TNS3: variants seen among roughly 807,000 people sequenced by gnomAD.
TNS3 encodes tensin 3, also known as tensin-3.
Under a neutral mutation model 140.9 loss-of-function variants are expected in TNS3, and 45 were observed. The ratio of observed to expected loss-of-function variants is 0.32; its 90% CI spans 0.25 to 0.41. The LOEUF (loss-of-function observed/expected upper bound fraction) is 0.41, where lower values mean the gene tolerates loss of function less well. TNS3 is among the 10% of genes least tolerant of loss of function. The probability of loss-of-function intolerance (pLI) is 1.00; values close to 1 mark genes in which losing one functional copy is unlikely to be tolerated. For missense variants in TNS3, 1,716 were observed against 1,906.7 expected (o/e 0.90, Z 1.86); for synonymous variants, 815 against 788.4 (o/e 1.03, Z -0.56).
intron 20 of TNS3, among the ~76,000 whole-genome samples, chr7:47,327,106 C>T (rs1030051240): frequency 4.6e-5 from 7 of 152,210 alleles, no homozygotes; most frequent in Non-Finnish European, 8.8e-5. Flanking sequence ...CAGCCCTGCC[C>T]GTGCTACCCC....
At chr7:47,494,173 A>T (rs779511913) in intron 3 of TNS3, among the ~76,000 whole-genome samples, 41 of 152,320 alleles carry the variant, frequency 2.7e-4, no homozygotes, top group Admixed American at 8.5e-4. Context: ...TCTCAAATTC[A>T]AAACCTAAGG....
At chr7:47,561,090 G>A (rs879479941) in intron 1 of TNS3, among the ~76,000 whole-genome samples, 4 of 152,188 alleles carry the variant, frequency 2.6e-5, no homozygotes, top group East Asian at 1.9e-4. Flanking sequence ...GTGGTGCGAC[G>A]CTGGTTGGGC....
intron 2 of TNS3, among the ~76,000 whole-genome samples, chr7:47,528,236 C>T (rs1384388611): frequency 2.6e-5 from 4 of 152,132 alleles, no homozygotes; most frequent in African/African-American, 9.7e-5. Flanking sequence ...TGACTGCGTG[C>T]ATCGTTCCAT....
intron 23 of TNS3, among the ~76,000 whole-genome samples, chr7:47,301,413 G>C (rs140808264): frequency 6.6e-6 from 1 of 152,198 alleles, no homozygotes; most frequent in East Asian, 1.9e-4. Context: ...GGTACGCTCA[G>C]CTGAGACACA....
At chr7:47,335,397 T>C (rs1362746031) in intron 20 of TNS3, among the ~76,000 whole-genome samples, 2 of 152,230 alleles carry the variant, frequency 1.3e-5, no homozygotes, top group African/African-American at 2.4e-5. Flanking sequence ...CTCTTTTAAA[T>C]GACAACACAT....
At chr7:47,370,739 A>G (rs990866132) in intron 16 of TNS3, among the ~76,000 whole-genome samples, 2 of 152,184 alleles carry the variant, frequency 1.3e-5, no homozygotes, top group South Asian at 2.1e-4. Flanking sequence ...CAAGCATTCC[A>G]CAGCCAGGGA....
At chr7:47,511,459 T>C (rs923781731) in intron 2 of TNS3, among the ~76,000 whole-genome samples, 2 of 94,274 alleles carry the variant, frequency 2.1e-5, no homozygotes, top group African/African-American at 6.1e-5. Flanking sequence ...AATTGGTTCA[T>C]TACCATTGCT....
At chr7:47,515,188 C>T (rs1325383123) in intron 2 of TNS3, among the ~76,000 whole-genome samples, 1 of 152,172 alleles carries the variant, frequency 6.6e-6, no homozygotes, top group African/African-American at 2.4e-5. Context: ...TACTTAACCA[C>T]ATATGAAATT....
Position 47,291,987 on chromosome 7 carries a change from T to C in TNS3, c.3896A>G (p.Asn1299Ser), listed in dbSNP as rs1183141727. 1 of 1,614,150 alleles carries C rather than the reference T, an allele frequency of 6.2e-7. No individual in the cohort carries two copies. The highest frequency in any genetic ancestry group is 8.5e-7 in the Non-Finnish European group (1 of 1,180,016). The change falls in exon 27 of 31, where the codon AAT (asparagine) becomes AGT (serine). Residue 1299 changes from asparagine to serine, a missense_variant. Coordinates refer to ENST00000311160, the MANE Select transcript of TNS3 (RefSeq NM_022748.12). ...CTGCTTCAACAGCTCAGCTGCTGAATTGGCTGCCGTCTGGGGAGAACTTTC... is the reference window on the plus strand; with the variant it reads ...CTGCTTCAACAGCTCAGCTGCTGAACTGGCTGCCGTCTGGGGAGAACTTTC... ...IAESSPQTAA[N>S]SAAELLKQGA...
intron 5 of TNS3, 101 bp from the exon 6 acceptor site, chr7:47,439,759 G>C: frequency 7.8e-7 from 1 of 1,284,806 alleles, no homozygotes; most frequent in Non-Finnish European, 1.1e-6. Context: ...TCCCCTGGGT[G>C]TTCACATCAG....
At chr7:47,445,037 CA>C (rs1215563566) in intron 4 of TNS3, among the ~76,000 whole-genome samples, 1 of 152,142 alleles carries the variant, frequency 6.6e-6, no homozygotes, top group African/African-American at 2.4e-5. Context: ...GGAAGAGGGG[CA>C]GGAAGGAGGA....
intron 15 of TNS3, among the ~76,000 whole-genome samples, chr7:47,397,991 T>C (rs1035131975): frequency 2.0e-5 from 3 of 152,078 alleles, no homozygotes; most frequent in African/African-American, 7.2e-5. Context: ...AAACGAAACA[T>C]TACAACCAGC....
chr7:47,344,864 C>T (rs1789238797), intron 19 of TNS3, 26 bp from the exon 20 acceptor site: 1 of 1,613,670 alleles, frequency 6.2e-7, no homozygotes, highest in Non-Finnish European at 8.5e-7. Flanking sequence ...GAGCAAGGGG[C>T]TGTTGTCACC....
intron 3 of TNS3, among the ~76,000 whole-genome samples, chr7:47,499,941 G>A (rs1224724126): frequency 6.6e-6 from 1 of 152,174 alleles, no homozygotes; most frequent in African/African-American, 2.4e-5. Context: ...CTCTGTGCGT[G>A]AATATGCATG....
At chr7:47,305,526 C>G (rs991624980) in intron 20 of TNS3, among the ~76,000 whole-genome samples, 2 of 152,264 alleles carry the variant, frequency 1.3e-5, no homozygotes, top group Non-Finnish European at 2.9e-5. Context: ...TACCCTCCCC[C>G]CAGCTGGTAA....
chr7:47,379,274 T>C (rs1791603996), intron 16 of TNS3, among the ~76,000 whole-genome samples: 1 of 152,204 alleles, frequency 6.6e-6, no homozygotes, highest in Non-Finnish European at 1.5e-5. Context: ...TCAAGGGGCG[T>C]TGTATTATCT....
chr7:47,475,047 A>G (rs554209078), intron 4 of TNS3, among the ~76,000 whole-genome samples: 3 of 151,602 alleles, frequency 2.0e-5, no homozygotes, highest in South Asian at 4.2e-4. Flanking sequence ...CAGACAACAG[A>G]CAACTCACAC....
At chr7:47,281,817 C>T (rs969861403) in intron 28 of TNS3, among the ~76,000 whole-genome samples, 5 of 152,198 alleles carry the variant, frequency 3.3e-5, no homozygotes, top group African/African-American at 1.2e-4. Flanking sequence ...GAGGAGGGAA[C>T]AGTCAACATT....
In TNS3 at chr7:47,275,868, G is replaced by A. The variant is rs887902480; in HGVS notation, c.*2208C>T. 1.1e-5 allele frequency: 5 copies of A among 455,846 alleles called. No homozygotes were observed. The highest frequency in any genetic ancestry group is 1.8e-5 in the Non-Finnish European group (4 of 226,772). The allele number at this position is 455,846 out of a possible 1,614,324, so 28.2% of individuals were successfully genotyped here. A position where few individuals can be genotyped will look rare whatever the true frequency, so the allele number is the denominator to read the frequency against. ...GGCATGGCTTCATGAGGGCCATCGC[G>A]GGCACCCCGATGTCTCTGTGATTCC... On this transcript the variant is annotated 3_prime_UTR_variant, in exon 31 of 31. Coordinates refer to ENST00000311160, the MANE Select transcript of TNS3 (RefSeq NM_022748.12).
Sources: gnomAD v4.1 joint callset for allele counts (sites outside exome capture counted in the v4.1 genomes callset) on GRCh38, gnomAD v4.1.1 for gene constraint, MANE v1.5 for transcripts, NCBI Gene and HGNC (gene_info 2026-07-23, HGNC 2026-07-21) for gene names.